Variants in ANTXRL observed in about 807,000 individuals in gnomAD.
ANTXRL encodes the protein anthrax toxin receptor-like.
In ANTXRL, 63 loss-of-function variants were observed where a neutral mutation model predicts 75.4. The observed-to-expected ratio is 0.84, with a 90% confidence interval of 0.68 to 1.03. The LOEUF is 1.03. Ranked by LOEUF, ANTXRL falls within the 50% of genes least tolerant of loss-of-function variation. The probability of loss-of-function intolerance (pLI) is 0.00; values close to 1 mark genes in which losing one functional copy is unlikely to be tolerated. For missense variants in ANTXRL, 797 were observed against 789.4 expected, an observed-to-expected ratio of 1.01 and a Z score of -0.12; for synonymous variants, 335 against 291.3, an observed-to-expected ratio of 1.15 and a Z score of -1.53.
At chr10:46,326,515 T>C (rs1305762914) in intron 16 of ANTXRL, among the ~76,000 whole-genome samples, 2 of 152,086 alleles carry the variant, frequency 1.3e-5, no homozygotes, top group Non-Finnish European at 2.9e-5. Context: ...ACAATGGCCT[T>C]GGCTGCCCCT....
intron 16 of ANTXRL, among the ~76,000 whole-genome samples, chr10:46,325,942 C>T (rs201249143): frequency 1.3e-5 from 2 of 152,040 alleles, no homozygotes; most frequent in East Asian, 3.8e-4. Context: ...GGGAGCCATT[C>T]GAAATTCCTC....
At chr10:46,309,271 G>T in intron 13 of ANTXRL, 69 bp downstream of exon 13, 1 of 1,466,118 alleles carries the variant, frequency 6.8e-7, no homozygotes, top group South Asian at 1.2e-5. Flanking sequence ...ACTCTAACAT[G>T]TGACTGCCCC....
chr10:46,317,441 T>C (rs1418616714), intron 16 of ANTXRL, among the ~76,000 whole-genome samples: 2 of 152,180 alleles, frequency 1.3e-5, no homozygotes, highest in African/African-American at 2.4e-5. Context: ...TGGGTAACAA[T>C]TGGAGCTTAA....
At chr10:46,317,296 A>T (rs1489308666) in intron 16 of ANTXRL, among the ~76,000 whole-genome samples, 3 of 152,160 alleles carry the variant, frequency 2.0e-5, no homozygotes, top group African/African-American at 7.2e-5. Context: ...TTTCCAAGAA[A>T]CTATCAACAG....
intron 16 of ANTXRL, among the ~76,000 whole-genome samples, chr10:46,328,568 G>T (rs142653469): frequency 6.6e-6 from 1 of 152,076 alleles, no homozygotes; most frequent in Non-Finnish European, 1.5e-5. Context: ...TGGCCATGTT[G>T]CTCAGCAAGG....
intron 9 of ANTXRL, among the ~76,000 whole-genome samples, chr10:46,302,352 G>C (rs1837802904): frequency 6.6e-6 from 1 of 152,154 alleles, no homozygotes; most frequent in Admixed American, 6.5e-5. Context: ...CTGACATCAG[G>C]GAGGGCCTGG....
At chr10:46,305,554 G>C (rs1838025521) in intron 10 of ANTXRL, among the ~76,000 whole-genome samples, 1 of 152,092 alleles carries the variant, frequency 6.6e-6, no homozygotes, top group Non-Finnish European at 1.5e-5. Flanking sequence ...GCAGTTAATG[G>C]GCCCTGGGAA....
Position 46,329,974 on chromosome 10 carries a change from C to A in ANTXRL, c.1786C>A (p.Pro596Thr), listed in dbSNP as rs782164741. Reference protein sequence around the residue: ...LTCSSRCRLPPARCLRPPSRM... With the variant: ...LTCSSRCRLPTARCLRPPSRM... ...CTGCTCCTCCAGGTGCCGCCTCCCC[C>A]CAGCTAGGTGCTTGAGGCCTCCCTC... is the stretch of plus-strand genomic sequence containing the variant. The change falls in exon 17 of 17, where the codon CCA (proline) becomes ACA (threonine). Residue 596 changes from proline (P) to threonine (T), a missense_variant. Coordinates refer to ENST00000620264, the MANE Select transcript of ANTXRL (RefSeq NM_001278688.3). The A allele has an allele frequency of 7.8e-6, 12 of 1,535,834 alleles. No individual in the cohort carries two copies. The highest frequency in any genetic ancestry group is 1.0e-5 in the Non-Finnish European group (12 of 1,146,716).
intron 16 of ANTXRL, among the ~76,000 whole-genome samples, chr10:46,316,420 A>C (rs139226437): frequency 3.5e-4 from 54 of 152,162 alleles, no homozygotes; most frequent in Non-Finnish European, 6.3e-4. Flanking sequence ...CCAGGGTCAC[A>C]CAGCCAGGAA....
chr10:46,303,503 A>C lies in ANTXRL; in HGVS notation c.895+683A>C, dbSNP rs566851637. Among the ~76,000 whole-genome samples the C allele has an allele frequency of 8.5e-5, 13 of 152,332 alleles. No individual in the cohort carries two copies. The South Asian group carries it at 2.3e-3, about 27-fold the overall frequency. Reference sequence around the variant, plus strand: ...AGTATACTGATGTTTCAGCATCCCAAACCGCAAATTTGAAATCTGAAATTC... The same window carrying C: ...AGTATACTGATGTTTCAGCATCCCACACCGCAAATTTGAAATCTGAAATTC... On this transcript the variant is annotated intron_variant, in intron 10 of 16. Transcript: ENST00000620264.
intron 16 of ANTXRL, among the ~76,000 whole-genome samples, chr10:46,318,979 G>A (rs1554965141): frequency 2.7e-5 from 4 of 150,746 alleles, no homozygotes; most frequent in African/African-American, 1.0e-4. Context: ...ATTGGCAACA[G>A]CTCTGTGTGT....
In ANTXRL at chr10:46,293,360, ATG is replaced by A. The variant is rs1421893460; in HGVS notation, c.321-466_321-465del. 8.5e-5 allele frequency among the ~76,000 whole-genome samples: 10 copies of A among 117,038 alleles called. No homozygotes were observed. The Admixed American group carries it at 8.6e-4, about 10-fold the overall frequency. The allele number at this position is 117,038 out of a possible 152,430, so 76.8% of individuals were successfully genotyped here. A position where few individuals can be genotyped will look rare whatever the true frequency, so the allele number is the denominator to read the frequency against. ...TGCGTGTGTGCGTGCATGTGTGTGC[ATG>A]TGAGTGTGCCTGTGTGTGAGTGTGT... On this transcript the variant is annotated intron_variant, in intron 2 of 16. Coordinates refer to ENST00000620264, the MANE Select transcript of ANTXRL (RefSeq NM_001278688.3).
intron 1 of ANTXRL, 91 bp from the exon 2 acceptor site, chr10:46,291,967 A>C: frequency 8.1e-7 from 1 of 1,229,584 alleles, no homozygotes; most frequent in Admixed American, 2.0e-5. Flanking sequence ...AGAGCTTGTT[A>C]AGAGCCTGCT....
At chr10:46,327,660 A>T (rs1565059206) in intron 16 of ANTXRL, among the ~76,000 whole-genome samples, 1 of 152,100 alleles carries the variant, frequency 6.6e-6, no homozygotes, top group South Asian at 2.1e-4. Flanking sequence ...CATTTGAGGC[A>T]TTTGTCACTC....
intron 9 of ANTXRL, among the ~76,000 whole-genome samples, chr10:46,299,400 G>A (rs1223517504): frequency 6.6e-6 from 1 of 152,122 alleles, no homozygotes; most frequent in Non-Finnish European, 1.5e-5. Context: ...GTCCCAGTAT[G>A]GGTTGTGACA....
intron 14 of ANTXRL, among the ~76,000 whole-genome samples, 183 bp downstream of exon 14, chr10:46,310,682 G>T (rs1156662671): frequency 1.3e-5 from 2 of 152,012 alleles, no homozygotes; most frequent in East Asian, 1.9e-4. Flanking sequence ...TGCCCTTTCC[G>T]CTCCCTGCAC....
At position 46,296,110 on chromosome 10, in the gene ANTXRL, C is replaced by T. The variant is rs1451622559; in HGVS notation, c.474+10C>T. On this transcript the variant is annotated intron_variant, in intron 4 of 16. Coordinates refer to ENST00000620264, the MANE Select transcript of ANTXRL (RefSeq NM_001278688.3). Reference sequence around the variant, plus strand: ...GGCAGGATTTAGAAAGGTATAGACCCCTTGATCTCCTAACCCTAACCCTAA... The same window carrying T: ...GGCAGGATTTAGAAAGGTATAGACCTCTTGATCTCCTAACCCTAACCCTAA... The T allele has an allele frequency of 2.6e-6, 4 of 1,535,350 alleles. No homozygotes were observed. The highest frequency in any genetic ancestry group is 3.5e-6 in the Non-Finnish European group (4 of 1,146,600).
At chr10:46,323,920 C>T (rs1374529762) in intron 16 of ANTXRL, among the ~76,000 whole-genome samples, 2 of 152,094 alleles carry the variant, frequency 1.3e-5, no homozygotes, top group Non-Finnish European at 2.9e-5. Context: ...CCAGGATCCT[C>T]AATATCCTGT....
intron 1 of ANTXRL, among the ~76,000 whole-genome samples, chr10:46,289,618 T>A (rs1836900573): frequency 6.6e-6 from 1 of 151,944 alleles, no homozygotes; most frequent in African/African-American, 2.4e-5. Flanking sequence ...TCCCAGCTAC[T>A]CAGCCTGAGC....
Sources: allele counts gnomAD v4.1 joint callset (sites outside exome capture counted in the v4.1 genomes callset), GRCh38; gene constraint gnomAD v4.1.1; transcripts MANE v1.5; gene names NCBI Gene and HGNC (gene_info 2026-07-23, HGNC 2026-07-21).